DYNC1I1: variants seen among roughly 807,000 people sequenced by gnomAD.
DYNC1I1 encodes dynein cytoplasmic 1 intermediate chain 1.
A neutral mutation model predicts 86.6 loss-of-function variants in DYNC1I1; 43 were observed. That is an observed-to-expected ratio of 0.50 (90% CI 0.39 to 0.64). The LOEUF is 0.64. Among genes scored for constraint, DYNC1I1 ranks in the 30% least tolerant of loss-of-function variants. The pLI, the probability that DYNC1I1 is intolerant of heterozygous loss-of-function variation, is 0.00. For synonymous variants in DYNC1I1, 262 were observed against 283.7 expected (o/e 0.92, Z 0.77); for missense variants, 604 against 788.8 (o/e 0.77, Z 2.81).
intron 6 of DYNC1I1, among the ~76,000 whole-genome samples, chr7:95,961,097 G>A (rs549567903): frequency 4.6e-5 from 7 of 152,164 alleles, no homozygotes; most frequent in Non-Finnish European, 1.0e-4. Context: ...TAGCATGCTC[G>A]ACAGGTGAAG....
intron 15 of DYNC1I1, 133 bp downstream of exon 15, chr7:96,076,330 C>T (rs1790339356): frequency 3.1e-6 from 4 of 1,304,270 alleles, no homozygotes; most frequent in Non-Finnish European, 4.1e-6. Context: ...CTGCCGGCCC[C>T]CATTCTTGAC....
At chr7:95,908,347 T>C (rs1463204162) in intron 6 of DYNC1I1, among the ~76,000 whole-genome samples, 1 of 152,194 alleles carries the variant, frequency 6.6e-6, no homozygotes. Flanking sequence ...TAGCGAGCTG[T>C]AGATTTAACA....
intron 16 of DYNC1I1, among the ~76,000 whole-genome samples, chr7:96,084,254 C>T (rs781726398): frequency 1.4e-4 from 21 of 150,672 alleles, no homozygotes; most frequent in Non-Finnish European, 2.7e-4. Flanking sequence ...TTTCACTGAA[C>T]CCTGCAAATT....
At chr7:95,850,785 T>G (rs911810288) in intron 5 of DYNC1I1, among the ~76,000 whole-genome samples, 6 of 152,204 alleles carry the variant, frequency 3.9e-5, no homozygotes, top group African/African-American at 1.2e-4. Flanking sequence ...CCATGTGATT[T>G]TTCTTCTTTC....
chr7:95,980,479 G>T (rs985271115), intron 7 of DYNC1I1, among the ~76,000 whole-genome samples: 4 of 150,224 alleles, frequency 2.7e-5, no homozygotes, highest in African/African-American at 7.3e-5. Context: ...ATTTGCTCTG[G>T]GCTGAAACTT....
intron 6 of DYNC1I1, among the ~76,000 whole-genome samples, chr7:95,926,587 A>G (rs1054675244): frequency 2.6e-5 from 4 of 152,176 alleles, no homozygotes; most frequent in African/African-American, 9.7e-5. Context: ...GAGAAGGTAC[A>G]GTAACTTTGG....
At chr7:95,800,099 T>A (rs1471680078) in intron 1 of DYNC1I1, among the ~76,000 whole-genome samples, 2 of 145,650 alleles carry the variant, frequency 1.4e-5, no homozygotes, top group Non-Finnish European at 3.0e-5. Context: ...GAAGCCAAAG[T>A]GATCAAAACT....
intron 10 of DYNC1I1, among the ~76,000 whole-genome samples, chr7:96,020,989 G>C (rs1172696499): frequency 6.6e-6 from 1 of 152,114 alleles, no homozygotes; most frequent in Non-Finnish European, 1.5e-5. Context: ...AGAGCCTGGT[G>C]AAGAGTGATG....
Position 95,869,985 on chromosome 7 carries a change from G to C in DYNC1I1, c.477G>C (p.Thr159=), listed in dbSNP as rs144939564. The change falls in exon 6 of 17, where the codon ACG becomes ACC. Residue 159 remains threonine, a synonymous_variant. Coordinates refer to ENST00000447467, the MANE Select transcript of DYNC1I1 (RefSeq NM_001135556.2). ...AGGAGACCCAGACTCCTCTTGCCAC[G>C]CATCAGTCTGAAGGTAAACTATGTC... ...YSKETQTPLA[T]HQSEEDEEDE... 3.1e-6 allele frequency: 5 copies of C among 1,613,046 alleles called. No homozygotes were observed. The East Asian group carries it at 6.7e-5, about 22-fold the overall frequency.
At chr7:95,777,458 G>T (rs1405824205) in intron 1 of DYNC1I1, among the ~76,000 whole-genome samples, 1 of 152,178 alleles carries the variant, frequency 6.6e-6, no homozygotes, top group African/African-American at 2.4e-5. Flanking sequence ...CCGGAACACT[G>T]ACTTGCTTCT....
At chr7:96,033,943 G>C (rs1048182491) in intron 12 of DYNC1I1, among the ~76,000 whole-genome samples, 4 of 152,052 alleles carry the variant, frequency 2.6e-5, no homozygotes, top group African/African-American at 7.2e-5. Context: ...CCAGGAGTTC[G>C]AGGTTGCAGT....
intron 6 of DYNC1I1, among the ~76,000 whole-genome samples, chr7:95,909,251 G>A (rs1307657119): frequency 9.1e-6 from 1 of 110,446 alleles, no homozygotes; most frequent in Admixed American, 9.7e-5. Context: ...GGTGGGGGGG[G>A]GGGGCGGGGC....
chr7:96,074,403 T>G (rs754162828), intron 14 of DYNC1I1, among the ~76,000 whole-genome samples: 1 of 151,844 alleles, frequency 6.6e-6, no homozygotes, highest in Non-Finnish European at 1.5e-5. Flanking sequence ...CAAAAAAAAG[T>G]AGTCGGGCCT....
intron 5 of DYNC1I1, 162 bp downstream of exon 5, chr7:95,828,278 GTC>G (rs1257166065): frequency 2.7e-6 from 2 of 735,932 alleles, no homozygotes; most frequent in East Asian, 5.4e-5. Context: ...TTTGAAGAAA[GTC>G]TCTCTTTGTG....
intron 14 of DYNC1I1, among the ~76,000 whole-genome samples, chr7:96,043,511 G>A (rs1373930346): frequency 6.7e-6 from 1 of 150,092 alleles, no homozygotes; most frequent in Non-Finnish European, 1.5e-5. Flanking sequence ...TTTCCTCAAG[G>A]GCAAATTGGA....
At chr7:96,042,710 T>C (rs933709030) in intron 14 of DYNC1I1, among the ~76,000 whole-genome samples, 5 of 152,194 alleles carry the variant, frequency 3.3e-5, no homozygotes, top group African/African-American at 4.8e-5. Flanking sequence ...TTTGGCCACC[T>C]ATGGAGAATA....
intron 14 of DYNC1I1, among the ~76,000 whole-genome samples, chr7:96,061,712 T>TCTCACACACA (rs1554441137): frequency 8.0e-5 from 11 of 136,920 alleles, no homozygotes; most frequent in African/African-American, 3.1e-4. Context: ...TCTCTCTCTC[T>TCTCACACACA]CACACACACA....
At chr7:96,085,660 C>A (rs1790656322) in intron 16 of DYNC1I1, among the ~76,000 whole-genome samples, 1 of 152,140 alleles carries the variant, frequency 6.6e-6, no homozygotes, top group African/African-American at 2.4e-5. Context: ...GAGAAGACCC[C>A]TTTTTATTAT....
At chr7:95,877,337 C>T (rs975173019) in intron 6 of DYNC1I1, among the ~76,000 whole-genome samples, 1 of 152,160 alleles carries the variant, frequency 6.6e-6, no homozygotes, top group Non-Finnish European at 1.5e-5. Flanking sequence ...CTCCATGGCT[C>T]ATGTGTAAAG....
Sources: allele counts gnomAD v4.1 joint callset (sites outside exome capture counted in the v4.1 genomes callset), GRCh38; gene constraint gnomAD v4.1.1; transcripts MANE v1.5; gene names NCBI Gene and HGNC (gene_info 2026-07-23, HGNC 2026-07-21).